LYST: variants seen among roughly 807,000 people sequenced by gnomAD.
LYST encodes the protein lysosomal trafficking regulator, also known as lysosomal-trafficking regulator.
In LYST, 192 loss-of-function variants were observed where a neutral mutation model predicts 413.6. That is an observed-to-expected ratio of 0.46 (90% CI 0.41 to 0.52). The LOEUF (loss-of-function observed/expected upper bound fraction) is 0.52. Ranked by LOEUF, LYST falls within the 20% of genes least tolerant of loss-of-function variation. The pLI is 0.00. For missense variants in LYST, 3,815 were observed against 4,499.9 expected (o/e 0.85, Z 4.35); for synonymous variants, 1,525 against 1,567.3 (o/e 0.97, Z 0.64).
chr1:235,774,910 T>C lies in LYST; in HGVS notation c.5634+3A>G. The stretch of plus-strand genomic sequence containing the variant: ...TATAAGAATAAATTTTATGAAGACA[T>C]ACCTTCAAAATGTAAAACCCAACAA... On this transcript the variant is annotated splice_donor_region_variant and intron_variant, in intron 18 of 52. Coordinates refer to ENST00000389793, the MANE Select transcript of LYST (RefSeq NM_000081.4). The C allele has an allele frequency of 6.3e-7, 1 of 1,593,586 alleles. No homozygotes were observed.
intron 21 of LYST, among the ~76,000 whole-genome samples, chr1:235,763,067 C>T (rs1476604330): frequency 6.6e-6 from 1 of 152,074 alleles, no homozygotes; most frequent in East Asian, 1.9e-4. Context: ...TTTCTGGCCA[C>T]ATTAACTTCT....
intron 41 of LYST, among the ~76,000 whole-genome samples, chr1:235,716,503 A>C (rs555005507): frequency 8.1e-4 from 123 of 152,324 alleles, no homozygotes; most frequent in African/African-American, 2.9e-3. Context: ...ATGCCAAAAT[A>C]AGTGTATTCT....
intron 40 of LYST, 103 bp downstream of exon 40, chr1:235,720,558 T>C (rs1572067387): frequency 8.8e-7 from 1 of 1,139,354 alleles, no homozygotes; most frequent in Non-Finnish European, 1.3e-6. Flanking sequence ...TATATAATTC[T>C]TCTATTTTGT....
In LYST at chr1:235,857,784, C is replaced by CATATAT. The variant is rs71583794; in HGVS notation, c.-98+9053_-98+9058dup. Among the ~76,000 whole-genome samples, 190 of 122,114 alleles carry CATATAT rather than the reference C, an allele frequency of 1.6e-3. 2 individuals are homozygous for CATATAT. The highest frequency in any genetic ancestry group is 5.3e-3 in the African/African-American group (165 of 31,256). 80.1% of individuals were successfully genotyped at this position (122,114 alleles called of 152,430 possible). On this transcript the variant is annotated intron_variant, in intron 1 of 52. Coordinates refer to ENST00000389793, the MANE Select transcript of LYST (RefSeq NM_000081.4). ...ACACACACACACACACACACACACACATATATATATAAAATTTCACAAGCC... is the reference window on the plus strand; with the variant it reads ...ACACACACACACACACACACACACACATATATATATATATATAAAATTTCACAAGCC...
intron 14 of LYST, among the ~76,000 whole-genome samples, chr1:235,785,079 A>C (rs555434309): frequency 6.4e-4 from 97 of 152,292 alleles, no homozygotes; most frequent in African/African-American, 2.3e-3. Context: ...GAGGCTGGAC[A>C]GCTGTAAGCA....
intron 1 of LYST, among the ~76,000 whole-genome samples, chr1:235,851,533 G>T (rs1197006028): frequency 6.6e-6 from 1 of 151,636 alleles, no homozygotes; most frequent in African/African-American, 2.4e-5. Context: ...AATACCACCT[G>T]TACCCCAATA....
chr1:235,743,264 T>C (rs1665593885), intron 30 of LYST, among the ~76,000 whole-genome samples: 1 of 152,196 alleles, frequency 6.6e-6, no homozygotes, highest in Non-Finnish European at 1.5e-5. Flanking sequence ...TCAGAATTCA[T>C]TCTGAGTTTT....
intron 25 of LYST, among the ~76,000 whole-genome samples, chr1:235,754,706 T>A (rs1312384629): frequency 8.5e-5 from 13 of 152,122 alleles, no homozygotes; most frequent in Non-Finnish European, 1.8e-4. Flanking sequence ...CCTGGAAAAT[T>A]ACTTTTAGCA....
intron 7 of LYST, among the ~76,000 whole-genome samples, chr1:235,803,738 A>G (rs1415309796): frequency 6.6e-6 from 1 of 152,214 alleles, no homozygotes; most frequent in Non-Finnish European, 1.5e-5. Context: ...TTAACATTTT[A>G]CAGTTAGTCA....
At chr1:235,731,817 CAA>C (rs1664406062) in intron 34 of LYST, among the ~76,000 whole-genome samples, 1 of 152,138 alleles carries the variant, frequency 6.6e-6, no homozygotes, top group African/African-American at 2.4e-5. Flanking sequence ...CTGGGCCTCC[CAA>C]AGTGTTGGGA....
intron 1 of LYST, among the ~76,000 whole-genome samples, chr1:235,849,532 G>A (rs1678279986): frequency 6.6e-6 from 1 of 151,996 alleles, no homozygotes; most frequent in African/African-American, 2.4e-5. Context: ...TCAGACAAGA[G>A]GAAGAAATAA....
chr1:235,797,644 AG>A (rs1040458597), intron 10 of LYST, among the ~76,000 whole-genome samples: 1 of 152,202 alleles, frequency 6.6e-6, no homozygotes, highest in Non-Finnish European at 1.5e-5. Flanking sequence ...AAATGAATTC[AG>A]GATCTAAATG....
chr1:235,775,350 C>A (rs1249014707), intron 17 of LYST, among the ~76,000 whole-genome samples: 4 of 152,140 alleles, frequency 2.6e-5, no homozygotes, highest in African/African-American at 7.2e-5. Flanking sequence ...AACTAGTGAT[C>A]TGAAGTGTCA....
At chr1:235,782,344 AT>A (rs569482960) in intron 14 of LYST, among the ~76,000 whole-genome samples, 8 of 147,208 alleles carry the variant, frequency 5.4e-5, no homozygotes, top group African/African-American at 1.0e-4. Flanking sequence ...AATTTTTTGT[AT>A]TTTTTTTTTA....
chr1:235,770,122 G>A (rs763994529), intron 20 of LYST, 38 bp downstream of exon 20: 5 of 1,602,792 alleles, frequency 3.1e-6, no homozygotes, highest in Non-Finnish European at 4.3e-6. Flanking sequence ...AAACAACTGT[G>A]GAATATATTT....
chr1:235,779,691 T>C (rs1669654784), intron 16 of LYST, among the ~76,000 whole-genome samples: 1 of 152,166 alleles, frequency 6.6e-6, no homozygotes. Flanking sequence ...TTCTTTGTTG[T>C]ATAATAGTGT....
rs376007590 is a variant in LYST, at chr1:235,757,442, A to C, written c.6898T>G (p.Leu2300Val). 65 of 1,613,400 alleles carry C rather than the reference A, an allele frequency of 4.0e-5. No homozygotes were observed. In the Admixed American group the frequency reaches 5.7e-4, roughly 14 times the overall value. ...ASAHSVTEDC[L>V]VPICCGLYEL... ...TATAATCCACAGCATATAGGTACCAAACAGTCTTCAGTTACACTAAAACAG... is the reference window on the plus strand; with the variant it reads ...TATAATCCACAGCATATAGGTACCACACAGTCTTCAGTTACACTAAAACAG... Residue 2300 changes from leucine to valine, a missense_variant, in exon 24 of 53, where the codon TTG (leucine) becomes GTG (valine). By Grantham distance (32) the Leu-to-Val change is conservative (BLOSUM62 1). This residue lies in a region of LYST where 771 missense variants were observed against 837.1 expected (regional missense o/e 0.92). Transcript: ENST00000389793.
Position 235,759,178 on chromosome 1 carries a change from G to A in LYST, c.6675C>T (p.Arg2225=). The stretch of plus-strand genomic sequence containing the variant: ...CCAATCCCTTTAGGTAATCAGGTCG[G>A]CGTGGGCAGGACTCATCCCCAGGAC... ...DDSPGDESCP[R]RPDYLKGLAS... is the part of the protein sequence containing the mutation. The change falls in exon 23 of 53, where the codon CGC becomes CGT. Residue 2225 remains arginine, a synonymous_variant. Coordinates refer to ENST00000389793, the MANE Select transcript of LYST (RefSeq NM_000081.4). 2 of 1,614,162 alleles carry A rather than the reference G, an allele frequency of 1.2e-6. No individual in the cohort carries two copies. Among genetic ancestry groups the A allele is most frequent in the Non-Finnish European group, 1.7e-6 (2 of 1,180,008 alleles).
chr1:235,699,911 C>G (rs1175399498), intron 45 of LYST, among the ~76,000 whole-genome samples: 1 of 152,068 alleles, frequency 6.6e-6, no homozygotes, highest in Admixed American at 6.6e-5. Flanking sequence ...TGGAATAGAA[C>G]AGAGACTTAA....
Sources: allele counts gnomAD v4.1 joint callset (sites outside exome capture counted in the v4.1 genomes callset), GRCh38; gene constraint gnomAD v4.1.1; regional missense constraint gnomAD v4.1.1; transcripts MANE v1.5; gene names NCBI Gene and HGNC (gene_info 2026-07-23, HGNC 2026-07-21).